The following EVC2 variants were observed in gnomAD, a reference collection of about 807,000 sequenced individuals.
EVC2 encodes EvC ciliary complex subunit 2.
A neutral mutation model predicts 149.3 loss-of-function variants in EVC2; 148 were observed. The ratio of observed to expected loss-of-function variants is 0.99; its 90% CI spans 0.87 to 1.14. The LOEUF is 1.14. EVC2 is among the 50% of genes most tolerant of loss of function. The pLI is 0.00. For synonymous variants in EVC2, 776 were observed against 649.9 expected (o/e 1.19, Z -2.95); for missense variants, 1,854 against 1,627.3 (o/e 1.14, Z -2.40).
At chr4:5,571,845 G>A (rs779633561) in intron 19 of EVC2, among the ~76,000 whole-genome samples, 2 of 152,186 alleles carry the variant, frequency 1.3e-5, no homozygotes, top group African/African-American at 2.4e-5. Context: ...GAGGGAAGTC[G>A]ATGGCCTGTC....
intron 21 of EVC2, among the ~76,000 whole-genome samples, chr4:5,552,536 C>T (rs532610114): frequency 2.0e-5 from 3 of 152,074 alleles, no homozygotes; most frequent in Admixed American, 1.3e-4. Context: ...ATGATAGAGT[C>T]GCAGAGGCTG....
chr4:5,697,620 C>A lies in EVC2; in HGVS notation c.256G>T (p.Val86Leu). 1 of 1,614,148 alleles carries A rather than the reference C, an allele frequency of 6.2e-7. No homozygotes were observed. The highest frequency in any genetic ancestry group is 8.5e-7 in the Non-Finnish European group (1 of 1,180,024). Residue 86 changes from valine to leucine, a missense_variant, in exon 2 of 22, where the codon GTG becomes TTG. Coordinates refer to ENST00000344408, the MANE Select transcript of EVC2 (RefSeq NM_147127.5). ...GCAGTCTTAAAGTGACAGCATTCCA[C>A]TTTGGGCCAAATCATACAGGGCAAG... Reference protein sequence around the residue: ...QDLPCMIWPKVECCHFKTAVE... With the variant: ...QDLPCMIWPKLECCHFKTAVE...
chr4:5,644,874 G>A (rs1577200453), intron 9 of EVC2, among the ~76,000 whole-genome samples: 1 of 151,952 alleles, frequency 6.6e-6, no homozygotes, highest in East Asian at 1.9e-4. Context: ...TCTTTTTTAT[G>A]GTTGAAAAAC....
At chr4:5,685,542 C>T in intron 5 of EVC2, 63 bp from the exon 6 acceptor site, 1 of 1,366,418 alleles carries the variant, frequency 7.3e-7, no homozygotes, top group South Asian at 1.2e-5. Flanking sequence ...CTGCACCCCA[C>T]CACACCCCAG....
At chr4:5,692,665 A>G (rs943863622) in intron 3 of EVC2, among the ~76,000 whole-genome samples, 7 of 151,304 alleles carry the variant, frequency 4.6e-5, no homozygotes, top group African/African-American at 1.7e-4. Flanking sequence ...CAGGAGATCG[A>G]GACCATCCTG....
intron 7 of EVC2, among the ~76,000 whole-genome samples, chr4:5,668,715 C>T (rs1719436916): frequency 6.6e-6 from 1 of 152,138 alleles, no homozygotes; most frequent in Non-Finnish European, 1.5e-5. Flanking sequence ...AAGAAGGCAA[C>T]AACTTGTTTT....
intron 9 of EVC2, among the ~76,000 whole-genome samples, chr4:5,659,868 A>C (rs1281918179): frequency 6.6e-6 from 1 of 152,256 alleles, no homozygotes; most frequent in Non-Finnish European, 1.5e-5. Flanking sequence ...AAGGTTATAG[A>C]GTACCACATA....
rs1051796989 is a variant in EVC2, at chr4:5,687,257, CAAAAAAAAAG to C, written c.707-1788_707-1779del. Among the ~76,000 whole-genome samples, 3 of 149,974 alleles carry C rather than the reference CAAAAAAAAAG, an allele frequency of 2.0e-5. No homozygotes were observed. The East Asian group carries it at 5.9e-4, about 29-fold the overall frequency. ...GGGCGACAAGCATGAAACTCCATCTCAAAAAAAAAGAAAAGAAAAGAAAAGAAAAAACCAC... is the reference window on the plus strand; with the variant it reads ...GGGCGACAAGCATGAAACTCCATCTCAAAAGAAAAGAAAAGAAAAAACCAC... On this transcript the variant is annotated intron_variant, in intron 5 of 21. Coordinates refer to ENST00000344408, the MANE Select transcript of EVC2 (RefSeq NM_147127.5).
intron 16 of EVC2, among the ~76,000 whole-genome samples, chr4:5,603,791 A>G (rs574344415): frequency 2.6e-5 from 4 of 152,248 alleles, no homozygotes; most frequent in Admixed American, 6.5e-5. Flanking sequence ...AAGACCAGAA[A>G]TAACGGGTGA....
In EVC2 at chr4:5,706,413, C is replaced by CATAGATAGATACATAG. The variant is rs1722181411; in HGVS notation, c.228+1872_228+1873insCTATGTATCTATCTAT. ...AGATACATAGATAGATAGATAGATA[C>CATAGATAGATACATAG]ATAGATAGATAGATACATAGATAGA... On this transcript the variant is annotated intron_variant, in intron 1 of 21. Coordinates refer to ENST00000344408, the MANE Select transcript of EVC2 (RefSeq NM_147127.5). Among the ~76,000 whole-genome samples, 12 of 15,538 alleles carry CATAGATAGATACATAG rather than the reference C, an allele frequency of 7.7e-4. 1 individual carries two copies. The highest frequency in any genetic ancestry group is 1.3e-3 in the Non-Finnish European group (9 of 7,182). 10.2% of individuals were successfully genotyped at this position (15,538 alleles called of 152,430 possible).
At chr4:5,695,116 G>A (rs536216460) in intron 2 of EVC2, among the ~76,000 whole-genome samples, 11 of 152,238 alleles carry the variant, frequency 7.2e-5, no homozygotes, top group Admixed American at 6.5e-4. Flanking sequence ...TTGGGAGGCT[G>A]AGGCGGGCAG....
chr4:5,620,453 C>G (rs779543283), intron 14 of EVC2, among the ~76,000 whole-genome samples: 5 of 152,202 alleles, frequency 3.3e-5, no homozygotes, highest in African/African-American at 2.4e-5. Flanking sequence ...GACACACTTT[C>G]TCTTGCAAAG....
chr4:5,625,729 T>C lies in EVC2; in HGVS notation c.2046+20A>G, dbSNP rs777490147. ...AGAAAGTGCCTATGCAAAGAATAAA[T>C]AGCATCATGCCTTATATACCTTTTG... On this transcript the variant is annotated intron_variant, in intron 13 of 21. Coordinates refer to ENST00000344408, the MANE Select transcript of EVC2 (RefSeq NM_147127.5). This position sits in a 1 kb window ranked among gnomAD's most constrained non-coding sequence, Gnocchi z 4.0. The C allele has an allele frequency of 6.2e-7, 1 of 1,614,076 alleles. No individual in the cohort carries two copies. The highest frequency in any genetic ancestry group is 8.5e-7 in the Non-Finnish European group (1 of 1,180,024).
At position 5,622,750 on chromosome 4, in the gene EVC2, A is replaced by G. The variant is rs1715796654; in HGVS notation, c.2288T>C (p.Leu763Pro). The change falls in exon 14 of 22, where the codon CTG becomes CCG. Residue 763 changes from leucine (L) to proline (P), a missense_variant. Leu to Pro is a moderately conservative substitution (Grantham distance 98, BLOSUM62 -3). Coordinates refer to ENST00000344408, the MANE Select transcript of EVC2 (RefSeq NM_147127.5). This position sits in a 1 kb window ranked among gnomAD's most constrained non-coding sequence, Gnocchi z 5.8. ...GAGCCAGGGCACCCCACGCTTGAGC[A>G]GCTCCTGGGTCATGGCTGAGTTCTG... ...RLQNSAMTQELLKRGVPWLFL... is the reference protein window; with the variant it reads ...RLQNSAMTQEPLKRGVPWLFL... The G allele has an allele frequency of 1.2e-6, 2 of 1,613,970 alleles. No individual in the cohort carries two copies. Among genetic ancestry groups the G allele is most frequent in the South Asian group, 2.2e-5 (2 of 91,072 alleles).
chr4:5,610,794 C>CTTTT (rs10690279), intron 16 of EVC2, among the ~76,000 whole-genome samples: 1,363 of 126,424 alleles, frequency 0.011, 36 homozygotes, highest in African/African-American at 0.037. Context: ...TTTTCCTTTT[C>CTTTT]TTTTTTTTTT....
intron 9 of EVC2, among the ~76,000 whole-genome samples, chr4:5,645,103 A>T (rs1452899823): frequency 6.6e-6 from 1 of 152,124 alleles, no homozygotes; most frequent in Non-Finnish European, 1.5e-5. Context: ...TTCCCCCATA[A>T]TGGTACTATA....
chr4:5,574,586 T>C, intron 19 of EVC2, 99 bp downstream of exon 19: 2 of 1,274,910 alleles, frequency 1.6e-6, no homozygotes, highest in Non-Finnish European at 2.3e-6. Context: ...GGCTGGCTTT[T>C]CATCACCATC....
At chr4:5,705,964 G>C (rs1020145932) in intron 1 of EVC2, among the ~76,000 whole-genome samples, 1 of 152,114 alleles carries the variant, frequency 6.6e-6, no homozygotes, top group Admixed American at 6.5e-5. Context: ...AAAGGAAACA[G>C]ACAAGCAGCC....
downstream of EVC2, among the ~76,000 whole-genome samples, chr4:5,538,605 C>CA (rs1193558683): frequency 5.3e-5 from 8 of 151,706 alleles, no homozygotes; most frequent in African/African-American, 1.7e-4. Context: ...CAATAGATTG[C>CA]AAAAAAGAAT....
Sources: gnomAD v4.1 joint callset for allele counts (sites outside exome capture counted in the v4.1 genomes callset) on GRCh38, gnomAD v4.1.1 for gene constraint, Gnocchi (gnomAD v3.1) non-coding constraint, MANE v1.5 for transcripts, NCBI Gene and HGNC (gene_info 2026-07-23, HGNC 2026-07-21) for gene names.